TRAPPC9: variants seen among roughly 807,000 people sequenced by gnomAD.
The protein encoded by TRAPPC9 is trafficking protein particle complex subunit 9, also known as IKK2 binding protein.
TRAPPC9 carries 83 observed loss-of-function variants against 124.0 expected under a neutral mutation model. That is an observed-to-expected ratio of 0.67 (90% CI 0.56 to 0.80). The LOEUF is 0.80. Among genes scored for constraint, TRAPPC9 ranks in the 30% least tolerant of loss-of-function variants. The pLI, the probability that TRAPPC9 is intolerant of heterozygous loss-of-function variation, is 0.00. For missense variants in TRAPPC9, 1,302 were observed against 1,508.3 expected (o/e 0.86, Z 2.27); for synonymous variants, 638 against 617.5 (o/e 1.03, Z -0.49).
intron 17 of TRAPPC9, among the ~76,000 whole-genome samples, chr8:140,058,329 A>G (rs1842405645): frequency 6.6e-6 from 1 of 152,148 alleles, no homozygotes; most frequent in South Asian, 2.1e-4. Flanking sequence ...GGGTTCAGTG[A>G]TCATTTAAAC....
intron 4 of TRAPPC9, among the ~76,000 whole-genome samples, chr8:140,427,092 AT>A (rs11464909): frequency 5.5e-4 from 76 of 138,372 alleles, no homozygotes; most frequent in Non-Finnish European, 5.7e-4. Context: ...CGACCGGCTA[AT>A]TTTTTTTTTT....
chr8:140,374,201 C>T (rs2068367597), intron 7 of TRAPPC9, among the ~76,000 whole-genome samples: 1 of 152,190 alleles, frequency 6.6e-6, no homozygotes, highest in African/African-American at 2.4e-5. Context: ...CAGGAGTGTG[C>T]AGTACAGCAG....
intron 21 of TRAPPC9, among the ~76,000 whole-genome samples, chr8:139,839,522 G>A (rs1278839472): frequency 6.6e-6 from 1 of 152,208 alleles, no homozygotes; most frequent in African/African-American, 2.4e-5. Flanking sequence ...GGTTCTCAGG[G>A]GAGTAGACAG....
chr8:140,195,922 G>A (rs11781305), intron 17 of TRAPPC9, among the ~76,000 whole-genome samples: 6 of 18,766 alleles, frequency 3.2e-4, no homozygotes, highest in South Asian at 9.7e-4. Flanking sequence ...CACACTCAAC[G>A]ATCCACCATA....
At chr8:140,037,688 T>C (rs1364383930) in intron 17 of TRAPPC9, among the ~76,000 whole-genome samples, 1 of 133,194 alleles carries the variant, frequency 7.5e-6, no homozygotes, top group African/African-American at 2.9e-5. Context: ...CACACACACA[T>C]CCCACACACG....
intron 19 of TRAPPC9, among the ~76,000 whole-genome samples, chr8:139,910,866 T>A (rs2131280050): frequency 6.6e-6 from 1 of 152,326 alleles, no homozygotes; most frequent in African/African-American, 2.4e-5. Context: ...ACTAGCTTGT[T>A]TTTGATTTTA....
Position 140,336,562 on chromosome 8 carries a change from C to T in TRAPPC9, c.1495+23488G>A, listed in dbSNP as rs781542122. ...CTAAGATCAAGGCCCCAGTAACGCACACCCTCATCCAAACCAAGTCCCTGT... is the reference window on the plus strand; with the variant it reads ...CTAAGATCAAGGCCCCAGTAACGCATACCCTCATCCAAACCAAGTCCCTGT... On this transcript the variant is annotated intron_variant, in intron 9 of 22. Coordinates refer to ENST00000438773, the MANE Select transcript of TRAPPC9 (RefSeq NM_001160372.4). Among the ~76,000 whole-genome samples, 125 of 152,220 alleles carry T rather than the reference C, an allele frequency of 8.2e-4. 2 individuals are homozygous for T. The highest frequency in any genetic ancestry group is 1.4e-3 in the South Asian group (7 of 4,836).
chr8:140,103,760 C>A (rs1387933088), intron 17 of TRAPPC9, among the ~76,000 whole-genome samples: 1 of 152,184 alleles, frequency 6.6e-6, no homozygotes, highest in Non-Finnish European at 1.5e-5. Context: ...CTGAGATACA[C>A]ACGACTATTC....
At chr8:140,260,492 G>A (rs1251410180) in intron 15 of TRAPPC9, among the ~76,000 whole-genome samples, 1 of 152,184 alleles carries the variant, frequency 6.6e-6, no homozygotes, top group African/African-American at 2.4e-5. Flanking sequence ...ATGCAAATTG[G>A]AAGGTGATCA....
chr8:139,983,184 C>G (rs562636645), intron 19 of TRAPPC9, among the ~76,000 whole-genome samples: 3 of 152,180 alleles, frequency 2.0e-5, no homozygotes, highest in Non-Finnish European at 4.4e-5. Flanking sequence ...CCTCCAACTA[C>G]GAAGCAGGAA....
intron 9 of TRAPPC9, among the ~76,000 whole-genome samples, chr8:140,334,624 TG>T (rs992485858): frequency 6.6e-6 from 1 of 151,552 alleles, no homozygotes; most frequent in Non-Finnish European, 1.5e-5. Context: ...TACCACAGCT[TG>T]GGCGACAGAG....
chr8:140,272,370 GGGT>G (rs1003019872), intron 15 of TRAPPC9, among the ~76,000 whole-genome samples: 7 of 81,502 alleles, frequency 8.6e-5, no homozygotes, highest in African/African-American at 3.3e-4. Flanking sequence ...GTGGTAGTGA[GGGT>G]GGTGGTGATG....
chr8:140,400,145 T>A (rs913431362), intron 6 of TRAPPC9, among the ~76,000 whole-genome samples: 1 of 152,200 alleles, frequency 6.6e-6, no homozygotes, highest in African/African-American at 2.4e-5. Flanking sequence ...CAATTAAACC[T>A]CTTTCTTTTG....
intron 17 of TRAPPC9, among the ~76,000 whole-genome samples, chr8:140,052,985 T>C (rs1306390253): frequency 3.3e-5 from 5 of 151,916 alleles, no homozygotes; most frequent in Non-Finnish European, 7.4e-5. Context: ...TTCAAATCCA[T>C]TAAATAAAAC....
chr8:140,215,439 T>C (rs2063168055), intron 17 of TRAPPC9, among the ~76,000 whole-genome samples: 2 of 151,728 alleles, frequency 1.3e-5, no homozygotes, highest in South Asian at 4.2e-4. Flanking sequence ...GCTCCGGAGT[T>C]CGGGACCAGC....
chr8:139,767,413 A>G (rs1360936475), intron 21 of TRAPPC9, among the ~76,000 whole-genome samples: 1 of 152,238 alleles, frequency 6.6e-6, no homozygotes, highest in Non-Finnish European at 1.5e-5. Context: ...GCTGTCCCAC[A>G]GAGCATCCCA....
At chr8:140,393,881 A>G (rs970353635) in intron 7 of TRAPPC9, among the ~76,000 whole-genome samples, 3 of 152,208 alleles carry the variant, frequency 2.0e-5, no homozygotes, top group African/African-American at 7.2e-5. Context: ...GCAAACAAAC[A>G]TGGAGATGAG....
chr8:140,258,878 C>T (rs957677305), intron 15 of TRAPPC9, among the ~76,000 whole-genome samples: 8 of 152,218 alleles, frequency 5.3e-5, no homozygotes, highest in African/African-American at 1.9e-4. Flanking sequence ...GGGGTCCTGG[C>T]CAACCTCCCC....
chr8:140,046,891 C>G (rs117859669), intron 17 of TRAPPC9, among the ~76,000 whole-genome samples: 1 of 152,224 alleles, frequency 6.6e-6, no homozygotes, highest in African/African-American at 2.4e-5. Context: ...TGGAACTCAA[C>G]TTTTCTTCAT....
Sources: gnomAD v4.1 joint callset for allele counts (sites outside exome capture counted in the v4.1 genomes callset) on GRCh38, gnomAD v4.1.1 for gene constraint, MANE v1.5 for transcripts, NCBI Gene and HGNC (gene_info 2026-07-23, HGNC 2026-07-21) for gene names.